RPH3AL: variants seen among roughly 807,000 people sequenced by gnomAD.
RPH3AL encodes rab effector Noc2.
A neutral mutation model predicts 43.1 loss-of-function variants in RPH3AL; 38 were observed. The ratio of observed to expected loss-of-function variants is 0.88; its 90% CI spans 0.68 to 1.15. The LOEUF (loss-of-function observed/expected upper bound fraction) is 1.15, where lower values mean the gene tolerates loss of function less well. Among genes scored for constraint, RPH3AL ranks in the 50% most tolerant of loss-of-function variants. The probability of loss-of-function intolerance (pLI) is 0.00; values close to 1 mark genes in which losing one functional copy is unlikely to be tolerated. For missense variants in RPH3AL, 462 were observed against 423.2 expected (o/e 1.09, Z -0.81); for synonymous variants, 189 against 176.3 (o/e 1.07, Z -0.57).
chr17:234,887 C>A (rs1487460064), intron 7 of RPH3AL, among the ~76,000 whole-genome samples: 1 of 152,216 alleles, frequency 6.6e-6, no homozygotes, highest in Non-Finnish European at 1.5e-5. Context: ...ATAGCAGCAG[C>A]TGGCTCTGGG....
rs564159165 is a variant in RPH3AL, at chr17:322,444, A to C, written c.78-1029T>G. Reference sequence around the variant, plus strand: ...GCAGATGCCAATCAATGACACAGATACCTATTTAACTAACAGGTCTAAGGC... The same window carrying C: ...GCAGATGCCAATCAATGACACAGATCCCTATTTAACTAACAGGTCTAAGGC... On this transcript the variant is annotated intron_variant, in intron 3 of 9. Transcript: ENST00000331302. The surrounding 1 kb of genome is among the most constrained non-coding windows in gnomAD (Gnocchi z 4.0). The C allele has an allele frequency of 6.6e-6, 1 of 152,304 alleles. No individual in the cohort carries two copies. Among genetic ancestry groups the C allele is most frequent in the South Asian group, 2.1e-4 (1 of 4,820 alleles). 9.4% of individuals were successfully genotyped at this position (152,304 alleles called of 1,614,324 possible).
intron 1 of RPH3AL, among the ~76,000 whole-genome samples, chr17:343,407 G>A (rs1241181239): frequency 6.6e-6 from 1 of 152,218 alleles, no homozygotes; most frequent in Admixed American, 6.5e-5. Context: ...GCTCAACCCT[G>A]TCACGCACTC....
intron 5 of RPH3AL, among the ~76,000 whole-genome samples, chr17:302,730 A>G (rs1394806435): frequency 5.3e-5 from 8 of 152,232 alleles, no homozygotes; most frequent in Non-Finnish European, 1.2e-4. Flanking sequence ...AGGGTGAAAA[A>G]GCCCCGAATA....
Position 213,699 on chromosome 17 carries a change from A to G in RPH3AL, c.*153T>C, listed in dbSNP as rs562241561. 4.6e-5 allele frequency: 31 copies of G among 679,874 alleles called. No individual in the cohort carries two copies. In the African/African-American group the frequency reaches 4.6e-4, roughly 10 times the overall value. 42.1% of individuals were successfully genotyped at this position (679,874 alleles called of 1,614,324 possible). On this transcript the variant is annotated 3_prime_UTR_variant, in exon 10 of 10. Coordinates refer to ENST00000331302, the MANE Select transcript of RPH3AL (RefSeq NM_006987.4). ...CAGGAGAGAAGGGGTGCAGAAAGGC[A>G]CTGAGCTGGGGAGGCAGACGGCTCC...
At chr17:257,060 G>A (rs1958903467) in intron 6 of RPH3AL, among the ~76,000 whole-genome samples, 2 of 40,334 alleles carry the variant, frequency 5.0e-5, no homozygotes, top group Admixed American at 2.3e-4. Flanking sequence ...GAGGGGAGCC[G>A]CACGGCGTCT....
At chr17:275,390 T>C (rs909159332) in intron 6 of RPH3AL, among the ~76,000 whole-genome samples, 1 of 151,958 alleles carries the variant, frequency 6.6e-6, no homozygotes, top group Non-Finnish European at 1.5e-5. Flanking sequence ...AAGATCACAA[T>C]GTCGAATAAA....
intron 5 of RPH3AL, among the ~76,000 whole-genome samples, chr17:315,153 T>C (rs796782840): frequency 2.4e-4 from 36 of 147,098 alleles, no homozygotes; most frequent in East Asian, 6.2e-4. Flanking sequence ...CATTGACCTG[T>C]AGTCCCTGTG....
At chr17:299,277 T>C (rs1022239006) in intron 5 of RPH3AL, among the ~76,000 whole-genome samples, 1 of 132,734 alleles carries the variant, frequency 7.5e-6, no homozygotes, top group African/African-American at 2.8e-5. Flanking sequence ...TGAGCCTGTA[T>C]GTGGTTCCTG....
intron 7 of RPH3AL, among the ~76,000 whole-genome samples, chr17:244,997 T>C (rs2041713075): frequency 1.3e-5 from 2 of 152,174 alleles, no homozygotes; most frequent in South Asian, 4.1e-4. Flanking sequence ...TGTGTATGCA[T>C]GTGGATATGA....
chr17:224,110 C>T (rs1026973177), intron 7 of RPH3AL, among the ~76,000 whole-genome samples: 2 of 152,252 alleles, frequency 1.3e-5, no homozygotes. Flanking sequence ...ACTGCCTTAA[C>T]TCGAGGTGTC....
At chr17:219,481 G>A (rs2040897167) in intron 8 of RPH3AL, 142 bp downstream of exon 8, 2 of 568,112 alleles carry the variant, frequency 3.5e-6, no homozygotes, top group Non-Finnish European at 3.1e-6. Context: ...ACAGACATAA[G>A]CCACTGTGCC....
chr17:265,844 C>T (rs2042306963), intron 6 of RPH3AL, among the ~76,000 whole-genome samples: 1 of 110,132 alleles, frequency 9.1e-6, no homozygotes. Context: ...AGTGGGCTGT[C>T]TTCTCTCCTT....
chr17:317,350 C>T (rs533862915), intron 5 of RPH3AL, among the ~76,000 whole-genome samples: 164 of 151,832 alleles, frequency 1.1e-3, no homozygotes, highest in African/African-American at 3.9e-3. Flanking sequence ...CCTGAAGTCC[C>T]TGTGCCCCCA....
chr17:236,529 G>A (rs1308696728), intron 7 of RPH3AL, among the ~76,000 whole-genome samples: 5 of 152,138 alleles, frequency 3.3e-5, no homozygotes, highest in African/African-American at 1.2e-4. Context: ...TCCCAAGTAT[G>A]GACGTGAGGT....
In RPH3AL at chr17:328,786, T is replaced by C. The variant is rs912203342; in HGVS notation, c.-36-1207A>G. The stretch of plus-strand genomic sequence containing the variant: ...ATTTACAATGGAGTATGATTTACAA[T>C]GGATTATTATTTGGCCGTAAAAAGG... On this transcript the variant is annotated intron_variant, in intron 2 of 9. Coordinates refer to ENST00000331302, the MANE Select transcript of RPH3AL (RefSeq NM_006987.4). This position sits in a 1 kb window ranked among gnomAD's most constrained non-coding sequence, Gnocchi z 4.2. Among the ~76,000 whole-genome samples, 2 of 152,238 alleles carry C rather than the reference T, an allele frequency of 1.3e-5. No homozygotes were observed. Among genetic ancestry groups the C allele is most frequent in the Non-Finnish European group, 2.9e-5 (2 of 68,044 alleles).
chr17:308,823 C>A (rs2043564338), intron 5 of RPH3AL, among the ~76,000 whole-genome samples: 1 of 152,178 alleles, frequency 6.6e-6, no homozygotes, highest in Non-Finnish European at 1.5e-5. Context: ...TCTCCTAGCC[C>A]TAATGCCTCC....
chr17:331,749 C>T, intron 2 of RPH3AL: 4 of 1,289,142 alleles, frequency 3.1e-6, no homozygotes, highest in Non-Finnish European at 4.0e-6. Flanking sequence ...CCACTCAGCA[C>T]TCACCTCTTG....
chr17:337,911 C>T (rs958165742), intron 1 of RPH3AL, among the ~76,000 whole-genome samples: 2 of 152,208 alleles, frequency 1.3e-5, no homozygotes, highest in African/African-American at 2.4e-5. Flanking sequence ...CCAGTGGACC[C>T]CAAATCCCTG....
intron 6 of RPH3AL, among the ~76,000 whole-genome samples, chr17:256,321 C>T (rs880002052): frequency 0.016 from 216 of 13,422 alleles, no homozygotes; most frequent in South Asian, 0.029. Context: ...ATGAGGGGAG[C>T]CGCACGGCGT....
Sources: allele counts gnomAD v4.1 joint callset (sites outside exome capture counted in the v4.1 genomes callset), GRCh38; gene constraint gnomAD v4.1.1; non-coding constraint Gnocchi (gnomAD v3.1); transcripts MANE v1.5; gene names NCBI Gene and HGNC (gene_info 2026-07-23, HGNC 2026-07-21).